The following EFNA5 variants were observed in gnomAD, a reference collection of about 807,000 sequenced individuals.
EFNA5 encodes ephrin-A5.
A neutral mutation model predicts 22.9 loss-of-function variants in EFNA5; 5 were observed. The ratio of observed to expected loss-of-function variants is 0.22; its 90% CI spans 0.11 to 0.46. EFNA5 has a LOEUF of 0.46. EFNA5 is among the 20% of genes least tolerant of loss of function. The pLI is 0.99. For missense variants in EFNA5, 237 were observed against 293.3 expected (o/e 0.81, Z 1.40); for synonymous variants, 113 against 112.2 (o/e 1.01, Z -0.04).
At chr5:107,487,783 G>T (rs1325406361) in intron 1 of EFNA5, among the ~76,000 whole-genome samples, 1 of 152,200 alleles carries the variant, frequency 6.6e-6, no homozygotes, top group African/African-American at 2.4e-5. Flanking sequence ...AACAGGGTTT[G>T]TGTCCTAATC....
At chr5:107,572,978 GCTTA>G (rs1280195030) in intron 1 of EFNA5, among the ~76,000 whole-genome samples, 1 of 152,116 alleles carries the variant, frequency 6.6e-6, no homozygotes, top group Non-Finnish European at 1.5e-5. Context: ...AATTGGAGAC[GCTTA>G]CTTAAGGAAA....
At chr5:107,562,341 C>T (rs1028372821) in intron 1 of EFNA5, among the ~76,000 whole-genome samples, 19 of 152,132 alleles carry the variant, frequency 1.2e-4, no homozygotes, top group Admixed American at 2.0e-4. Flanking sequence ...CTCCGCCCAT[C>T]GTCTGTCTCT....
At chr5:107,419,976 T>C (rs1458824713) in intron 2 of EFNA5, among the ~76,000 whole-genome samples, 1 of 152,180 alleles carries the variant, frequency 6.6e-6, no homozygotes, top group Non-Finnish European at 1.5e-5. Context: ...TGAAAAAGAC[T>C]ACCTCCTGCT....
intron 1 of EFNA5, among the ~76,000 whole-genome samples, chr5:107,522,361 C>T (rs997442714): frequency 7.2e-5 from 11 of 152,274 alleles, no homozygotes; most frequent in African/African-American, 2.6e-4. Flanking sequence ...CCACTAAAAC[C>T]TATGTCTCCT....
intron 1 of EFNA5, among the ~76,000 whole-genome samples, chr5:107,652,092 T>C (rs975698173): frequency 3.3e-5 from 5 of 152,152 alleles, no homozygotes; most frequent in African/African-American, 9.7e-5. Context: ...ATAAATAAAG[T>C]CTTTAAAAAG....
chr5:107,589,019 C>A (rs2112500720), intron 1 of EFNA5, among the ~76,000 whole-genome samples: 1 of 152,258 alleles, frequency 6.6e-6, no homozygotes, highest in South Asian at 2.1e-4. Context: ...CTGGAACTGC[C>A]ATTATTGACA....
intron 4 of EFNA5, among the ~76,000 whole-genome samples, chr5:107,384,306 G>A (rs1747551023): frequency 6.6e-6 from 1 of 152,174 alleles, no homozygotes; most frequent in Non-Finnish European, 1.5e-5. Flanking sequence ...CAACATGGGG[G>A]TTTCAATGGT....
At chr5:107,397,972 C>A (rs780122995) in intron 2 of EFNA5, among the ~76,000 whole-genome samples, 4 of 152,172 alleles carry the variant, frequency 2.6e-5, no homozygotes, top group Admixed American at 2.0e-4. Flanking sequence ...ATTCGTCATA[C>A]CACAGAACAG....
At chr5:107,393,082 G>C (rs919295128) in intron 2 of EFNA5, among the ~76,000 whole-genome samples, 1 of 152,170 alleles carries the variant, frequency 6.6e-6, no homozygotes, top group African/African-American at 2.4e-5. Flanking sequence ...AAATTGCTGG[G>C]TAAACCAAAA....
intron 1 of EFNA5, among the ~76,000 whole-genome samples, chr5:107,547,162 T>A (rs375582178): frequency 6.6e-6 from 1 of 152,214 alleles, no homozygotes; most frequent in Non-Finnish European, 1.5e-5. Context: ...ACATGGATCA[T>A]GGATACACTG....
chr5:107,504,609 A>G lies in EFNA5; in HGVS notation c.126-77100T>C, dbSNP rs138887271. On this transcript the variant is annotated intron_variant, in intron 1 of 4. Coordinates refer to ENST00000333274, the MANE Select transcript of EFNA5 (RefSeq NM_001962.3). ...ACAGATACAGATATCTAATTACTACATTACCCTGGGCAAATCATTTAACTG... is the reference window on the plus strand; with the variant it reads ...ACAGATACAGATATCTAATTACTACGTTACCCTGGGCAAATCATTTAACTG... Among the ~76,000 whole-genome samples the G allele has an allele frequency of 2.5e-3, 380 of 152,302 alleles. 3 individuals carry two copies. Among genetic ancestry groups the G allele is most frequent in the African/African-American group, 8.1e-3 (337 of 41,578 alleles).
chr5:107,590,073 T>A (rs767858171), intron 1 of EFNA5, among the ~76,000 whole-genome samples: 5 of 145,338 alleles, frequency 3.4e-5, no homozygotes, highest in Non-Finnish European at 6.1e-5. Flanking sequence ...GTGATTTGGA[T>A]AGACAAATCA....
At chr5:107,533,180 T>A (rs1300851539) in intron 1 of EFNA5, among the ~76,000 whole-genome samples, 3 of 152,192 alleles carry the variant, frequency 2.0e-5, no homozygotes, top group African/African-American at 7.2e-5. Context: ...CAGCACTTTC[T>A]ATTGATCAGG....
intron 1 of EFNA5, among the ~76,000 whole-genome samples, chr5:107,566,676 G>A (rs963474775): frequency 1.3e-5 from 2 of 152,140 alleles, no homozygotes; most frequent in African/African-American, 2.4e-5. Flanking sequence ...AAGACTCCTG[G>A]CTTCCTTTCA....
chr5:107,626,330 G>A (rs1264908044), intron 1 of EFNA5, among the ~76,000 whole-genome samples: 2 of 152,094 alleles, frequency 1.3e-5, no homozygotes, highest in Admixed American at 6.5e-5. Context: ...CCAGAGTGGA[G>A]TGAAGTAGCG....
intron 1 of EFNA5, among the ~76,000 whole-genome samples, chr5:107,592,790 G>C (rs1018712355): frequency 1.3e-5 from 2 of 152,092 alleles, no homozygotes; most frequent in Non-Finnish European, 2.9e-5. Flanking sequence ...AGTGAAATCT[G>C]TGACTGGGAG....
At chr5:107,440,070 C>T (rs2112434721) in intron 1 of EFNA5, among the ~76,000 whole-genome samples, 1 of 152,298 alleles carries the variant, frequency 6.6e-6, no homozygotes, top group South Asian at 2.1e-4. Flanking sequence ...TTCCTCCCCA[C>T]ACTCATTAAA....
intron 1 of EFNA5, among the ~76,000 whole-genome samples, chr5:107,593,627 G>C (rs1035949293): frequency 2.6e-5 from 4 of 152,078 alleles, no homozygotes; most frequent in Non-Finnish European, 5.9e-5. Context: ...GCTTTCTAGG[G>C]GTAGGTGCTA....
intron 4 of EFNA5, among the ~76,000 whole-genome samples, chr5:107,386,749 A>G (rs574528356): frequency 1.3e-5 from 2 of 152,334 alleles, no homozygotes; most frequent in South Asian, 2.1e-4. Flanking sequence ...GGTCAGTTCA[A>G]TGATGCATGT....
Sources: gnomAD v4.1 joint callset for allele counts (sites outside exome capture counted in the v4.1 genomes callset) on GRCh38, gnomAD v4.1.1 for gene constraint, MANE v1.5 for transcripts, NCBI Gene and HGNC (gene_info 2026-07-23, HGNC 2026-07-21) for gene names.